The following ASB4 variants were observed in gnomAD, a reference collection of about 807,000 sequenced individuals.
ASB4 encodes ankyrin repeat and SOCS box containing 4, also known as ankyrin repeat and SOCS box protein 4.
In ASB4, 35 loss-of-function variants were observed where a neutral mutation model predicts 38.6. The observed-to-expected ratio is 0.91, with a 90% CI of 0.69 to 1.20. ASB4 has a LOEUF of 1.20. Among genes scored for constraint, ASB4 ranks in the 50% most tolerant of loss-of-function variants. The pLI, the probability that ASB4 is intolerant of heterozygous loss-of-function variation, is 0.00. For missense variants in ASB4, 557 were observed against 527.2 expected, an observed-to-expected ratio of 1.06 and a Z score of -0.55; for synonymous variants, 195 against 201.3, an observed-to-expected ratio of 0.97 and a Z score of 0.26.
chr7:95,485,941 T>C, upstream of ASB4: 1 of 1,603,960 alleles, frequency 6.2e-7, no homozygotes, highest in South Asian at 1.1e-5. Context: ...TCTCGATAAA[T>C]CACAACAAAG....
At position 95,514,447 on chromosome 7, in the gene ASB4, A is replaced by C. The variant is rs190921220; in HGVS notation, c.488-13366A>C. Among the ~76,000 whole-genome samples the C allele has an allele frequency of 2.0e-5, 3 of 152,326 alleles. No homozygotes were observed. The East Asian group carries it at 5.8e-4, about 29-fold the overall frequency. ...ACCAAAGAATGGTGAAATTTCTATT[A>C]ATTACATCATAAAAATGAATGAATT... On this transcript the variant is annotated intron_variant, in intron 2 of 4. Coordinates refer to ENST00000325885, the MANE Select transcript of ASB4 (RefSeq NM_016116.3).
At position 95,527,899 on chromosome 7, in the gene ASB4, G is replaced by GC. The variant is rs1167026512; in HGVS notation, c.576dup (p.Phe193LeufsTer31). 1 of 1,613,918 alleles carries GC rather than the reference G, an allele frequency of 6.2e-7. No homozygotes were observed. The highest frequency in any genetic ancestry group is 1.7e-5 in the Admixed American group (1 of 60,008). Reference sequence around the variant, plus strand: ...CCACTTCGGCCTTTCGGAGCTGGTGGCCTTCTACGTGGAACACGGGGCCAT... The same window carrying GC: ...CCACTTCGGCCTTTCGGAGCTGGTGGCCCTTCTACGTGGAACACGGGGCCAT... On this transcript the variant is annotated frameshift_variant, in exon 3 of 5. Coordinates refer to ENST00000325885, the MANE Select transcript of ASB4 (RefSeq NM_016116.3). LOFTEE classifies it high-confidence loss of function.
At chr7:95,544,665 C>T (rs1791009982), downstream of ASB4, 1 of 151,982 alleles carries the variant, frequency 6.6e-6, no homozygotes, top group African/African-American at 2.4e-5. Flanking sequence ...ACATTCCAGA[C>T]TCTTTGGGGG....
chr7:95,475,746 CA>C (rs759702680), upstream of ASB4, among the ~76,000 whole-genome samples: 8 of 152,088 alleles, frequency 5.3e-5, no homozygotes, highest in African/African-American at 9.7e-5. Flanking sequence ...TTTATAAAAC[CA>C]AATCATGTAT....
chr7:95,550,605 G>A, the ASB4 span, among the ~76,000 whole-genome samples: 4 of 152,182 alleles, frequency 2.6e-5, no homozygotes, highest in African/African-American at 9.7e-5. Flanking sequence ...CTGTAATCTT[G>A]TTGTCCAAAC....
chr7:95,532,466 T>C (rs1259702296), intron 3 of ASB4, among the ~76,000 whole-genome samples: 1 of 152,164 alleles, frequency 6.6e-6, no homozygotes, highest in Non-Finnish European at 1.5e-5. Flanking sequence ...TGGGTTTTCT[T>C]GTAGGGCAAG....
At chr7:95,497,041 T>G (rs1790261040) in intron 2 of ASB4, among the ~76,000 whole-genome samples, 1 of 151,320 alleles carries the variant, frequency 6.6e-6, no homozygotes, top group Non-Finnish European at 1.5e-5. Context: ...GGGTGTGGGG[T>G]AGGGTGGGAA....
upstream of ASB4, among the ~76,000 whole-genome samples, chr7:95,481,991 G>C (rs1402238681): frequency 2.6e-5 from 4 of 152,220 alleles, no homozygotes; most frequent in Admixed American, 2.6e-4. Context: ...GAGGTGAGTT[G>C]AAGCGGTGGC....
At chr7:95,486,217 G>T in intron 1 of ASB4, 59 bp downstream of exon 1, 1 of 1,384,524 alleles carries the variant, frequency 7.2e-7, no homozygotes, top group Non-Finnish European at 1.0e-6. Flanking sequence ...AAAATGCACA[G>T]TGTCAGTTAT....
At chr7:95,485,599 G>C (rs560803135), upstream of ASB4, among the ~76,000 whole-genome samples, 32 of 152,296 alleles carry the variant, frequency 2.1e-4, no homozygotes, top group South Asian at 6.4e-3. Context: ...CTCCAGCCAG[G>C]CACCAGATGT....
chr7:95,533,092 G>A (rs768511774), intron 3 of ASB4, among the ~76,000 whole-genome samples: 4 of 152,152 alleles, frequency 2.6e-5, no homozygotes, highest in African/African-American at 4.8e-5. Context: ...AATTGACTTA[G>A]CTTGCTCAAC....
downstream of ASB4, among the ~76,000 whole-genome samples, chr7:95,540,696 A>G (rs1790959563): frequency 6.6e-6 from 1 of 152,254 alleles, no homozygotes; most frequent in Non-Finnish European, 1.5e-5. Context: ...CATGAGAGGA[A>G]GAATCTTAGA....
chr7:95,515,316 TCTTCCTTCCTTCCTTC>T (rs1274522352), intron 2 of ASB4, among the ~76,000 whole-genome samples: 9 of 95,802 alleles, frequency 9.4e-5, no homozygotes, highest in Admixed American at 1.1e-4. Flanking sequence ...TTTCTTTCTT[TCTTCCTTCCTTCCTTC>T]CTTTCTTTCT....
At chr7:95,543,378 T>A (rs550514069), downstream of ASB4, 63 of 123,786 alleles carry the variant, frequency 5.1e-4, no homozygotes, top group African/African-American at 1.6e-3. Flanking sequence ...AGATAGCCCT[T>A]AATTAGTTTC....
At chr7:95,532,266 G>A (rs1790828802) in intron 3 of ASB4, among the ~76,000 whole-genome samples, 1 of 152,194 alleles carries the variant, frequency 6.6e-6, no homozygotes, top group African/African-American at 2.4e-5. Flanking sequence ...CAGAGCTGAA[G>A]ATGTTTTCTT....
At chr7:95,492,685 G>A (rs1304094030) in intron 1 of ASB4, among the ~76,000 whole-genome samples, 2 of 152,200 alleles carry the variant, frequency 1.3e-5, no homozygotes, top group Non-Finnish European at 2.9e-5. Context: ...CATTGCAGAA[G>A]CAGGCGCAAA....
chr7:95,490,092 G>A (rs982758435), intron 1 of ASB4, among the ~76,000 whole-genome samples: 2 of 152,124 alleles, frequency 1.3e-5, no homozygotes, highest in Non-Finnish European at 2.9e-5. Context: ...CTTCGTTTAT[G>A]GCCCATAGCC....
At chr7:95,484,953 C>CAT (rs201031563), upstream of ASB4, among the ~76,000 whole-genome samples, 5,922 of 147,674 alleles carry the variant, frequency 0.04, 149 homozygotes, top group South Asian at 0.07. Context: ...TATTTACACA[C>CAT]ACATATATAT....
chr7:95,509,219 A>C (rs1790449048), intron 2 of ASB4, among the ~76,000 whole-genome samples: 1 of 152,190 alleles, frequency 6.6e-6, no homozygotes, highest in Admixed American at 6.6e-5. Context: ...TGAAAAAGCA[A>C]AGCCCTAAAG....
Sources: gnomAD v4.1 joint callset for allele counts (sites outside exome capture counted in the v4.1 genomes callset) on GRCh38, gnomAD v4.1.1 for gene constraint, MANE v1.5 for transcripts, NCBI Gene and HGNC (gene_info 2026-07-23, HGNC 2026-07-21) for gene names.